The following EVPL variants were observed in gnomAD, a reference collection of about 807,000 sequenced individuals.
The protein encoded by EVPL is envoplakin, also known as 210 kDa cornified envelope precursor protein.
In EVPL, 94 loss-of-function variants were observed where a neutral mutation model predicts 129.7. The observed-to-expected ratio is 0.72, with a 90% CI of 0.61 to 0.86. The LOEUF (loss-of-function observed/expected upper bound fraction) is 0.86, where lower values mean the gene tolerates loss of function less well. Among genes scored for constraint, EVPL ranks in the 40% least tolerant of loss-of-function variants. The probability of loss-of-function intolerance (pLI) is 0.00; values close to 1 mark genes in which losing one functional copy is unlikely to be tolerated. For missense variants in EVPL, 2,625 were observed against 2,721.1 expected, an observed-to-expected ratio of 0.96 and a Z score of 0.79; for synonymous variants, 1,172 against 1,191.1, an observed-to-expected ratio of 0.98 and a Z score of 0.33.
Position 76,007,786 on chromosome 17 carries a change from G to T in EVPL, c.5419C>A (p.Gln1807Lys). The change falls in exon 22 of 22, where the codon CAG (glutamine) becomes AAG (lysine). Residue 1807 changes from glutamine to lysine, a missense_variant. Gln to Lys is a moderately conservative substitution (Grantham distance 53). Coordinates refer to ENST00000301607, the MANE Select transcript of EVPL (RefSeq NM_001988.4). This position sits in a 1 kb window ranked among gnomAD's most constrained non-coding sequence, Gnocchi z 8.8. ...SKSPLASPAP[Q>K]STSFFSPSFS... Reference sequence around the variant, plus strand: ...CTGGGAGAGAAGAAACTGGTGCTCTGGGGGGCCGGGGAGGCGAGCGGGGAC... The same window carrying T: ...CTGGGAGAGAAGAAACTGGTGCTCTTGGGGGCCGGGGAGGCGAGCGGGGAC... The T allele has an allele frequency of 6.2e-7, 1 of 1,611,676 alleles. No homozygotes were observed. The highest frequency in any genetic ancestry group is 8.5e-7 in the Non-Finnish European group (1 of 1,178,266).
intron 4 of EVPL, 100 bp downstream of exon 4, chr17:76,023,192 C>T (rs1598245293): frequency 6.4e-7 from 1 of 1,563,534 alleles, no homozygotes; most frequent in East Asian, 2.2e-5. Flanking sequence ...CCTGAGCCAC[C>T]CCTACACCCT....
Position 76,019,009 on chromosome 17 carries a change from G to A in EVPL, c.1189C>T (p.Arg397Trp), listed in dbSNP as rs768548790. The change falls in exon 11 of 22, where the codon CGG becomes TGG. Residue 397 changes from arginine (R) to tryptophan (W), a missense_variant. Around this residue, in one of 4 missense-constraint regions of EVPL, gnomAD observed 1,024 missense variants for 997.5 expected, o/e 1.03. Coordinates refer to ENST00000301607, the MANE Select transcript of EVPL (RefSeq NM_001988.4). ...VTERATGDLQ[R>W]RSRDVAPLPQ... ...AGAGGGGCCACATCCCGGCTTCGCCGCTGCAGGTCCCCAGTGGCCCTCTCG... is the reference window on the plus strand; with the variant it reads ...AGAGGGGCCACATCCCGGCTTCGCCACTGCAGGTCCCCAGTGGCCCTCTCG... The A allele has an allele frequency of 8.1e-5, 127 of 1,570,936 alleles. 1 individual carries two copies. The highest frequency in any genetic ancestry group is 5.8e-4 in the South Asian group (50 of 85,894).
intron 1 of EVPL, among the ~76,000 whole-genome samples, chr17:76,025,163 G>A (rs948249323): frequency 3.3e-5 from 5 of 152,180 alleles, no homozygotes; most frequent in Non-Finnish European, 4.4e-5. Flanking sequence ...CTTGTAAAGC[G>A]GGATTTTAAT....
intron 11 of EVPL, 73 bp from the exon 12 acceptor site, chr17:76,018,673 T>C (rs1453545882): frequency 6.7e-7 from 1 of 1,486,180 alleles, no homozygotes; most frequent in Non-Finnish European, 9.0e-7. Context: ...GAGTAGGGGC[T>C]GGGGACAGAG....
Position 76,010,058 on chromosome 17 carries a change from G to A in EVPL, c.3147C>T (p.Ile1049=), listed in dbSNP as rs2066363456. 1 of 1,613,054 alleles carries A rather than the reference G, an allele frequency of 6.2e-7. No individual in the cohort carries two copies. The highest frequency in any genetic ancestry group is 8.5e-7 in the Non-Finnish European group (1 of 1,180,036). ...IQQLRGEDAV[I]SARLEGLKKE... is the part of the protein sequence containing the mutation. Reference sequence around the variant, plus strand: ...TCTTCAGCCCTTCCAGCCGGGCCGAGATGACGGCATCCTCCCCGCGGAGCT... The same window carrying A: ...TCTTCAGCCCTTCCAGCCGGGCCGAAATGACGGCATCCTCCCCGCGGAGCT... The change falls in exon 22 of 22, where the codon ATC becomes ATT. Residue 1049 remains isoleucine, a synonymous_variant. Coordinates refer to ENST00000301607, the MANE Select transcript of EVPL (RefSeq NM_001988.4).
At position 76,022,671 on chromosome 17, in the gene EVPL, G is replaced by A; in HGVS notation, c.481-133C>T. ...GGACGAGCCTGGGAGCAGCCCGGGT[G>A]CATGCCCTGCAGCTCCCCCAGGGGC... is the stretch of plus-strand genomic sequence containing the variant. On this transcript the variant is annotated intron_variant, in intron 4 of 21. Coordinates refer to ENST00000301607, the MANE Select transcript of EVPL (RefSeq NM_001988.4). The surrounding 1 kb of genome is among the most constrained non-coding windows in gnomAD (Gnocchi z 5.6). The A allele has an allele frequency of 1.6e-6, 2 of 1,232,856 alleles. No individual in the cohort carries two copies. Among genetic ancestry groups the A allele is most frequent in the Non-Finnish European group, 2.2e-6 (2 of 909,410 alleles). 76.4% of individuals were successfully genotyped at this position (1,232,856 alleles called of 1,614,324 possible).
At position 76,018,470 on chromosome 17, in the gene EVPL, G is replaced by C. The variant is rs756796149; in HGVS notation, c.1415C>G (p.Pro472Arg). 2 of 1,612,566 alleles carry C rather than the reference G, an allele frequency of 1.2e-6. No individual in the cohort carries two copies. Among genetic ancestry groups the C allele is most frequent in the East Asian group, 2.2e-5 (1 of 44,858 alleles). The part of the protein sequence containing the change: ...AACFCIPAPD[P>R]DAVARASRLA... ...CCGGGAGGCCCTGGCCACAGCATCAGGGTCTGGTGCTGGGATGCAGAAGCA... is the reference window on the plus strand; with the variant it reads ...CCGGGAGGCCCTGGCCACAGCATCACGGTCTGGTGCTGGGATGCAGAAGCA... Residue 472 changes from proline (P) to arginine (R), a missense_variant, in exon 12 of 22, where the codon CCT becomes CGT. Pro to Arg is a moderately radical substitution (Grantham distance 103). Around this residue, in one of 4 missense-constraint regions of EVPL, gnomAD observed 1,024 missense variants for 997.5 expected, o/e 1.03. Transcript: ENST00000301607.
In EVPL at chr17:76,021,665, C is replaced by T. The variant is rs1434049530; in HGVS notation, c.915+9G>A. 2 of 1,604,312 alleles carry T rather than the reference C, an allele frequency of 1.2e-6. No homozygotes were observed. Among genetic ancestry groups the T allele is most frequent in the Middle Eastern group, 2.0e-4 (1 of 5,118 alleles). ...CGTCCCTTCTCACTCTCGCCCTGCC[C>T]CAGCGCACCTGGATGGGCCCCACCG... is the stretch of plus-strand genomic sequence containing the variant. On this transcript the variant is annotated intron_variant, in intron 8 of 21. Transcript: ENST00000301607.
rs751902650 is a variant in EVPL, at chr17:76,008,689, T to C, written c.4516A>G (p.Ile1506Val). The C allele has an allele frequency of 6.2e-7, 1 of 1,613,340 alleles. No individual in the cohort carries two copies. The highest frequency in any genetic ancestry group is 2.2e-5 in the East Asian group (1 of 44,866). Residue 1506 changes from isoleucine (I) to valine (V), a missense_variant, in exon 22 of 22, where the codon ATT becomes GTT. Physicochemically the swap from Ile to Val is conservative, Grantham distance 29. Coordinates refer to ENST00000301607, the MANE Select transcript of EVPL (RefSeq NM_001988.4). The surrounding 1 kb of genome is among the most constrained non-coding windows in gnomAD (Gnocchi z 7.4). The stretch of plus-strand genomic sequence containing the variant: ...GATTTGGCTTTCTGGAGGACGTCAA[T>C]CTGGACCTGCAGGTTCTTGCACTCC... ...NRECKNLQVQIDVLQKAKSQE... is the reference protein window; with the variant it reads ...NRECKNLQVQVDVLQKAKSQE...
chr17:76,026,292 G>A (rs1302732232), intron 1 of EVPL, among the ~76,000 whole-genome samples: 6 of 150,000 alleles, frequency 4.0e-5, no homozygotes, highest in East Asian at 3.9e-4. Context: ...TCACCCAGGC[G>A]GGAGCGCAGG....
In EVPL at chr17:76,008,958, A is replaced by C; in HGVS notation, c.4247T>G (p.Val1416Gly). Residue 1416 changes from valine to glycine, a missense_variant, in exon 22 of 22, where the codon GTG (valine) becomes GGG (glycine). By Grantham distance (109) the Val-to-Gly change is moderately radical. Transcript: ENST00000301607. The surrounding 1 kb of genome is among the most constrained non-coding windows in gnomAD (Gnocchi z 7.4). ...GCTGAGCAGGCCCTCCTGCTCCTCC[A>C]CGCCGGCCCGCAGCTGCTGCACCTC... is the stretch of plus-strand genomic sequence containing the variant. ...ELEVQQLRAG[V>G]EEQEGLLSFQ... 1 of 1,611,596 alleles carries C rather than the reference A, an allele frequency of 6.2e-7. No individual in the cohort carries two copies. The highest frequency in any genetic ancestry group is 8.5e-7 in the Non-Finnish European group (1 of 1,179,886).
intron 21 of EVPL, among the ~76,000 whole-genome samples, chr17:76,010,896 A>G (rs1190211303): frequency 6.6e-6 from 1 of 152,124 alleles, no homozygotes; most frequent in Non-Finnish European, 1.5e-5. Flanking sequence ...CCCCATCTCT[A>G]CTAAAAATCC....
At position 76,017,803 on chromosome 17, in the gene EVPL, G is replaced by A. The variant is rs759857343; in HGVS notation, c.1646C>T (p.Ala549Val). Residue 549 changes from alanine (A) to valine (V), a missense_variant, in exon 14 of 22, where the codon GCG becomes GTG. Coordinates refer to ENST00000301607, the MANE Select transcript of EVPL (RefSeq NM_001988.4). ...TGTGGGGCGGCTCAGCGGGGCCCGC[G>A]CCCAGGCCAGCACCTGCCTCTCTAT... ...GQIERQVLAW[A>V]RAPLSRPTPL... 78 of 1,613,314 alleles carry A rather than the reference G, an allele frequency of 4.8e-5. 1 individual carries two copies. In the East Asian group the frequency reaches 1.5e-3, roughly 32 times the overall value.
chr17:76,015,088 C>T lies in EVPL; in HGVS notation c.2050G>A (p.Glu684Lys). The change falls in exon 17 of 22, where the codon GAA becomes AAA. Residue 684 changes from glutamate (E) to lysine (K), a missense_variant. This residue lies in a region of EVPL where 1,024 missense variants were observed against 997.5 expected (regional missense o/e 1.03). Coordinates refer to ENST00000301607, the MANE Select transcript of EVPL (RefSeq NM_001988.4). ...ELQRQRRELL[E>K]QQTCVLRLHR... The stretch of plus-strand genomic sequence containing the variant: ...AGCCGCAGCACGCAGGTCTGCTGTT[C>T]CAGCAGCTCCCTCCGCTGGCGCTGC... The T allele has an allele frequency of 1.9e-6, 3 of 1,575,784 alleles. No individual in the cohort carries two copies.
In EVPL at chr17:76,018,527, G is replaced by A. The variant is rs1311842630; in HGVS notation, c.1358C>T (p.Pro453Leu). ...GGGAGCACGCTTGGTCTCCCCGCCA[G>A]GGCCCTGCACGACCCAGGCGTGCGG... ...TDPHAWVVQG[P>L]GGETKRAPAA... The change falls in exon 12 of 22, where the codon CCT (proline) becomes CTT (leucine). Residue 453 changes from proline to leucine, a missense_variant. Pro to Leu is a moderately conservative substitution (Grantham distance 98). Transcript: ENST00000301607. The A allele has an allele frequency of 2.4e-5, 39 of 1,612,856 alleles. No homozygotes were observed. The highest frequency in any genetic ancestry group is 3.2e-5 in the Non-Finnish European group (38 of 1,179,916).
chr17:76,027,276 C>G lies in EVPL; in HGVS notation c.-78G>C. On this transcript the variant is annotated 5_prime_UTR_variant, in exon 1 of 22. Coordinates refer to ENST00000301607, the MANE Select transcript of EVPL (RefSeq NM_001988.4). ...AGGAGGGCAGGTGGGAGGCAGCGGG[C>G]GTCCTCACTGGCTGGTCAGCTAAGT... The G allele has an allele frequency of 9.7e-7, 1 of 1,035,172 alleles. No individual in the cohort carries two copies. Among genetic ancestry groups the G allele is most frequent in the Non-Finnish European group, 1.5e-6 (1 of 663,368 alleles). 64.1% of individuals were successfully genotyped at this position (1,035,172 alleles called of 1,614,324 possible).
intron 2 of EVPL, 30 bp from the exon 3 acceptor site, chr17:76,023,684 G>C (rs2066479625): frequency 2.6e-6 from 4 of 1,513,502 alleles, no homozygotes; most frequent in East Asian, 4.9e-5. Flanking sequence ...AGACTGGCCA[G>C]GGCCCAGAGC....
Sources: gnomAD v4.1 joint callset for allele counts (sites outside exome capture counted in the v4.1 genomes callset) on GRCh38, gnomAD v4.1.1 for gene constraint, gnomAD v4.1.1 regional missense constraint, Gnocchi (gnomAD v3.1) non-coding constraint, MANE v1.5 for transcripts, NCBI Gene and HGNC (gene_info 2026-07-23, HGNC 2026-07-21) for gene names.